Variants in INPP5F observed in about 807,000 individuals in gnomAD.
INPP5F encodes the protein inositol polyphosphate-5-phosphatase F.
INPP5F carries 97 observed loss-of-function variants against 137.2 expected under a neutral mutation model. That is an observed-to-expected ratio of 0.71 (90% CI 0.60 to 0.84). The LOEUF is 0.84. Ranked by LOEUF, INPP5F falls within the 40% of genes least tolerant of loss-of-function variation. The probability of loss-of-function intolerance (pLI) is 0.00; values close to 1 mark genes in which losing one functional copy is unlikely to be tolerated. For synonymous variants in INPP5F, 504 were observed against 476.9 expected, an observed-to-expected ratio of 1.06 and a Z score of -0.74; for missense variants, 1,271 against 1,371.9, an observed-to-expected ratio of 0.93 and a Z score of 1.16.
chr10:119,821,864 CTTT>C (rs11347174), intron 16 of INPP5F, among the ~76,000 whole-genome samples: 2 of 88,148 alleles, frequency 2.3e-5, no homozygotes, highest in African/African-American at 8.8e-5. Context: ...CTTGTAGTTG[CTTT>C]TTTTTTTTTT....
chr10:119,771,931 T>A (rs1318617758), intron 2 of INPP5F, among the ~76,000 whole-genome samples: 4 of 128,162 alleles, frequency 3.1e-5, no homozygotes, highest in African/African-American at 1.2e-4. Context: ...AGTCTCACTC[T>A]GTTGCTCAGG....
chr10:119,786,642 G>C (rs1589713536), intron 3 of INPP5F, among the ~76,000 whole-genome samples: 1 of 151,970 alleles, frequency 6.6e-6, no homozygotes, highest in East Asian at 1.9e-4. Flanking sequence ...CCCCCAAGTG[G>C]CTGGGATTAC....
At chr10:119,822,991 T>C in intron 17 of INPP5F, 80 bp from the exon 18 acceptor site, 1 of 1,363,624 alleles carries the variant, frequency 7.3e-7, no homozygotes, top group Non-Finnish European at 1.0e-6. Flanking sequence ...TGAAGAAAAA[T>C]GTGTTGGGTC....
At chr10:119,810,958 G>C (rs1256875681) in intron 14 of INPP5F, among the ~76,000 whole-genome samples, 2 of 152,180 alleles carry the variant, frequency 1.3e-5, no homozygotes, top group African/African-American at 4.8e-5. Flanking sequence ...TTAGGAATTT[G>C]AGAAGTCTGA....
chr10:119,767,688 A>G (rs906965920), intron 2 of INPP5F, among the ~76,000 whole-genome samples: 4 of 152,260 alleles, frequency 2.6e-5, no homozygotes, highest in African/African-American at 9.6e-5. Flanking sequence ...AATGCCTTAG[A>G]GATATGAATA....
At chr10:119,779,150 A>G (rs926898922) in intron 2 of INPP5F, among the ~76,000 whole-genome samples, 3 of 152,150 alleles carry the variant, frequency 2.0e-5, no homozygotes, top group African/African-American at 7.2e-5. Flanking sequence ...TGAGAAATGC[A>G]TTGTTGGGCA....
chr10:119,728,051 A>G (rs1847942663), intron 1 of INPP5F, among the ~76,000 whole-genome samples: 1 of 152,262 alleles, frequency 6.6e-6, no homozygotes, highest in Non-Finnish European at 1.5e-5. Context: ...CTGCGCCTAG[A>G]TTCTTGGATG....
At chr10:119,731,320 T>A (rs1179481835) in intron 1 of INPP5F, among the ~76,000 whole-genome samples, 2 of 151,266 alleles carry the variant, frequency 1.3e-5, no homozygotes, top group Non-Finnish European at 3.0e-5. Context: ...TTGTGGCATT[T>A]GGTATTTACT....
chr10:119,810,643 C>T (rs1006921651), intron 14 of INPP5F, among the ~76,000 whole-genome samples: 4 of 152,154 alleles, frequency 2.6e-5, no homozygotes, highest in African/African-American at 7.2e-5. Flanking sequence ...CAGCCTTTTC[C>T]ATAAGCATGG....
chr10:119,746,438 T>G (rs1848535726), intron 1 of INPP5F, among the ~76,000 whole-genome samples: 1 of 152,174 alleles, frequency 6.6e-6, no homozygotes, highest in South Asian at 2.1e-4. Flanking sequence ...GCTCTTTCCT[T>G]AGCAGGGGCA....
rs3188055 is a variant in INPP5F, at chr10:119,827,370, A to G, written c.2989A>G (p.Asn997Asp). ...ERNQMTNQVS[N>D]ETQSESTEQT... ...AAATCAAATGACCAATCAAGTTTCAAATGAAACCCAATCAGAATCAACAGA... is the reference window on the plus strand; with the variant it reads ...AAATCAAATGACCAATCAAGTTTCAGATGAAACCCAATCAGAATCAACAGA... The change falls in exon 20 of 20, where the codon AAT becomes GAT. Residue 997 changes from asparagine to aspartate, a missense_variant. Around this residue, in one of 6 missense-constraint regions of INPP5F, gnomAD observed 490 missense variants for 443.7 expected, o/e 1.10. Coordinates refer to ENST00000650623, the MANE Select transcript of INPP5F (RefSeq NM_014937.4). 525,758 of 1,613,804 alleles carry G rather than the reference A, an allele frequency of 0.33. 87,431 individuals carry two copies. Among genetic ancestry groups the G allele is most frequent in the Non-Finnish European group, 0.34 (405,565 of 1,179,804 alleles).
Position 119,808,093 on chromosome 10 carries a change from T to G in INPP5F, c.1569+33T>G, listed in dbSNP as rs1409169306. On this transcript the variant is annotated intron_variant, in intron 13 of 19. Coordinates refer to ENST00000650623, the MANE Select transcript of INPP5F (RefSeq NM_014937.4). Reference sequence around the variant, plus strand: ...CTTGCAGGAAGCATCTGTGGGTCATTATGTAGGACACAGCTTAGACTATGG... The same window carrying G: ...CTTGCAGGAAGCATCTGTGGGTCATGATGTAGGACACAGCTTAGACTATGG... 3 of 1,601,242 alleles carry G rather than the reference T, an allele frequency of 1.9e-6. No homozygotes were observed. In the African/African-American group the frequency reaches 4.0e-5, roughly 21 times the overall value.
At chr10:119,750,763 C>T (rs1848668660) in intron 1 of INPP5F, among the ~76,000 whole-genome samples, 1 of 152,190 alleles carries the variant, frequency 6.6e-6, no homozygotes, top group Admixed American at 6.5e-5. Flanking sequence ...GCAGCTCCTC[C>T]GTTTGTCCTC....
intron 13 of INPP5F, among the ~76,000 whole-genome samples, chr10:119,808,785 T>G (rs2134250969): frequency 6.6e-6 from 1 of 152,358 alleles, no homozygotes; most frequent in South Asian, 2.1e-4. Flanking sequence ...AGGTTTATGT[T>G]AATCATTCTT....
chr10:119,790,413 T>G (rs1850099662), intron 3 of INPP5F, among the ~76,000 whole-genome samples: 1 of 152,194 alleles, frequency 6.6e-6, no homozygotes, highest in African/African-American at 2.4e-5. Flanking sequence ...CTTAAAGCTG[T>G]AATCATGGTG....
chr10:119,765,425 G>A (rs1484115108), intron 2 of INPP5F, among the ~76,000 whole-genome samples: 1 of 152,042 alleles, frequency 6.6e-6, no homozygotes, highest in Admixed American at 6.6e-5. Flanking sequence ...AGGCTGGAGT[G>A]AAGTGGCGTG....
intron 3 of INPP5F, among the ~76,000 whole-genome samples, chr10:119,782,977 A>G (rs1004617187): frequency 3.3e-5 from 5 of 152,210 alleles, no homozygotes; most frequent in African/African-American, 9.6e-5. Flanking sequence ...AAGTTTGACA[A>G]TTGAATTTTA....
At chr10:119,820,199 C>T (rs949730519) in intron 15 of INPP5F, among the ~76,000 whole-genome samples, 2 of 152,078 alleles carry the variant, frequency 1.3e-5, no homozygotes, top group Admixed American at 6.5e-5. Flanking sequence ...GTTTTGGTTT[C>T]ATGGTTCATG....
At chr10:119,810,331 G>C in intron 14 of INPP5F, 114 bp downstream of exon 14, 2 of 562,318 alleles carry the variant, frequency 3.6e-6, no homozygotes, top group Non-Finnish European at 6.3e-6. Flanking sequence ...TTGTGTTTCT[G>C]TATTGAGCAT....
Sources: allele counts gnomAD v4.1 joint callset (sites outside exome capture counted in the v4.1 genomes callset), GRCh38; gene constraint gnomAD v4.1.1; regional missense constraint gnomAD v4.1.1; transcripts MANE v1.5; gene names NCBI Gene and HGNC (gene_info 2026-07-23, HGNC 2026-07-21).